The following EIF3F variants were observed in gnomAD, a reference collection of about 807,000 sequenced individuals.
EIF3F encodes the protein eukaryotic translation initiation factor 3 subunit F.
In EIF3F, 8 loss-of-function variants were observed where a neutral mutation model predicts 36.0. The observed-to-expected ratio is 0.22, with a 90% CI of 0.13 to 0.40. EIF3F has a LOEUF of 0.40. Ranked by LOEUF, EIF3F falls within the 10% of genes least tolerant of loss-of-function variation. The pLI is 1.00. For synonymous variants in EIF3F, 184 were observed against 188.5 expected (o/e 0.98, Z 0.19); for missense variants, 430 against 467.6 (o/e 0.92, Z 0.74).
At chr11:7,991,706 A>C (rs1345973910) in intron 1 of EIF3F, 75 bp from the exon 2 acceptor site, 3 of 1,407,294 alleles carry the variant, frequency 2.1e-6, no homozygotes, top group Admixed American at 3.3e-5. Flanking sequence ...GATCATCAAA[A>C]GCATTTCAAA....
rs1333687771 is a variant in EIF3F, at chr11:7,997,727, A to G, written c.*1705A>G. The G allele has an allele frequency of 1.3e-5, 2 of 152,236 alleles. No individual in the cohort carries two copies. Among genetic ancestry groups the G allele is most frequent in the Non-Finnish European group, 2.9e-5 (2 of 68,044 alleles). 9.4% of individuals were successfully genotyped at this position (152,236 alleles called of 1,614,324 possible). Reference sequence around the variant, plus strand: ...GAAGACATGTACATTATGATACTCCAGAAGTTCAAAAACAAGTGAAACTTG... The same window carrying G: ...GAAGACATGTACATTATGATACTCCGGAAGTTCAAAAACAAGTGAAACTTG... On this transcript the variant is annotated 3_prime_UTR_variant, in exon 8 of 8. Transcript: ENST00000651655.
intron 1 of EIF3F, 175 bp downstream of exon 1, chr11:7,987,891 C>A: frequency 2.1e-6 from 2 of 955,046 alleles, no homozygotes; most frequent in Non-Finnish European, 2.8e-6. Context: ...TCTTCTCAAG[C>A]ACTTGCATCT....
Position 7,996,228 on chromosome 11 carries a change from A to T in EIF3F, c.*206A>T, listed in dbSNP as rs1942158241. ...AAGGGAGGAAAATGTTTTAGATCAC[A>T]CAGAAACTAGGAAGTGAATATTGTA... On this transcript the variant is annotated 3_prime_UTR_variant, in exon 8 of 8. Transcript: ENST00000651655. 1.9e-6 allele frequency: 1 copy of T among 529,774 alleles called. No homozygotes were observed. Among genetic ancestry groups the T allele is most frequent in the Non-Finnish European group, 3.4e-6 (1 of 296,874 alleles). The allele number at this position is 529,774 out of a possible 1,614,324, so 32.8% of individuals were successfully genotyped here. A position where few individuals can be genotyped will look rare whatever the true frequency, so the allele number is the denominator to read the frequency against.
intron 5 of EIF3F, 190 bp from the exon 6 acceptor site, chr11:7,994,792 G>A: frequency 1.2e-6 from 1 of 832,452 alleles, no homozygotes; most frequent in Non-Finnish European, 1.9e-6. Flanking sequence ...AAAAGGAGTT[G>A]AGCTCTATTA....
intron 1 of EIF3F, among the ~76,000 whole-genome samples, chr11:7,990,169 AGAAAG>A (rs1441579093): frequency 1.3e-5 from 2 of 152,340 alleles, no homozygotes; most frequent in Non-Finnish European, 2.9e-5. Context: ...GTGTGAAAGA[AGAAAG>A]GGAAGGTAGG....
In EIF3F at chr11:8,000,838, A is replaced by G. The variant is rs565015176; in HGVS notation, c.*4816A>G. 9.2e-4 allele frequency: 140 copies of G among 152,344 alleles called. No homozygotes were observed. Among genetic ancestry groups the G allele is most frequent in the African/African-American group, 3.1e-3 (128 of 41,578 alleles). The allele number at this position is 152,344 out of a possible 1,614,324, so 9.4% of individuals were successfully genotyped here. A position where few individuals can be genotyped will look rare whatever the true frequency, so the allele number is the denominator to read the frequency against. On this transcript the variant is annotated 3_prime_UTR_variant, in exon 8 of 8. Transcript: ENST00000651655. ...AAAAAAAAACCATAAATATGAGGGA[A>G]AAAACACAGCAATGTGTTTTTAATG...
intron 1 of EIF3F, among the ~76,000 whole-genome samples, chr11:7,989,415 G>A (rs968311878): frequency 2.0e-5 from 3 of 152,116 alleles, no homozygotes; most frequent in Non-Finnish European, 4.4e-5. Context: ...CTGGAATCAT[G>A]GTACAGTGCT....
chr11:7,994,891 G>A (rs763502225), intron 5 of EIF3F, 91 bp from the exon 6 acceptor site: 55 of 1,555,418 alleles, frequency 3.5e-5, no homozygotes, highest in Middle Eastern at 4.7e-4. Context: ...TTAGTAGGAC[G>A]TTAAGACCAT....
chr11:7,991,246 A>G (rs1399848242), intron 1 of EIF3F, among the ~76,000 whole-genome samples: 1 of 152,152 alleles, frequency 6.6e-6, no homozygotes, highest in Non-Finnish European at 1.5e-5. Flanking sequence ...CAGAACTAGA[A>G]CAAAAGTTTG....
At chr11:7,991,336 G>A (rs75638791) in intron 1 of EIF3F, among the ~76,000 whole-genome samples, 8,402 of 152,296 alleles carry the variant, frequency 0.055, 322 homozygotes, top group South Asian at 0.14. Context: ...GGACCAGATG[G>A]CTAAAGGGAG....
At chr11:7,994,929 T>C in intron 5 of EIF3F, 53 bp from the exon 6 acceptor site, 1 of 1,599,606 alleles carries the variant, frequency 6.3e-7, no homozygotes, top group Non-Finnish European at 8.5e-7. Context: ...GACTGAATTC[T>C]CTCTCTTACT....
Position 7,995,724 on chromosome 11 carries a change from A to G in EIF3F, c.997-221A>G, listed in dbSNP as rs114567484. On this transcript the variant is annotated intron_variant, in intron 7 of 7. Transcript: ENST00000651655. The stretch of plus-strand genomic sequence containing the variant: ...TATATTCCATCCATGGGTTTCAGCT[A>G]AGGCACCCCTAGTCTATAAGTGTAT... 768 of 612,044 alleles carry G rather than the reference A, an allele frequency of 1.3e-3. 13 individuals are homozygous for G. The African/African-American group carries it at 0.013, about 10-fold the overall frequency. 37.9% of individuals were successfully genotyped at this position (612,044 alleles called of 1,614,324 possible). A position where few individuals can be genotyped will look rare whatever the true frequency, so the allele number is the denominator to read the frequency against.
At chr11:7,995,904 C>T (rs1375984101) in intron 7 of EIF3F, 41 bp from the exon 8 acceptor site, 9 of 1,589,292 alleles carry the variant, frequency 5.7e-6, no homozygotes, top group Non-Finnish European at 7.8e-6. Flanking sequence ...TGCTCCCTTT[C>T]CACCCAACCC....
intron 1 of EIF3F, among the ~76,000 whole-genome samples, chr11:7,990,423 C>T (rs988482666): frequency 2.0e-5 from 3 of 152,048 alleles, no homozygotes; most frequent in African/African-American, 7.2e-5. Flanking sequence ...AAAAAATTGG[C>T]GTGTAAACTT....
rs1244465818 is a variant in EIF3F, at chr11:7,998,902, GT to G, written c.*2882del. ...CCTGAACTCATGACCATAGTGTGGT[GT>G]TATTACTTAGCGTTATTCTAGACTT... On this transcript the variant is annotated 3_prime_UTR_variant, in exon 8 of 8. Transcript: ENST00000651655. 6.6e-6 allele frequency: 1 copy of G among 152,084 alleles called. No homozygotes were observed. Among genetic ancestry groups the G allele is most frequent in the East Asian group, 1.9e-4 (1 of 5,188 alleles). The allele number at this position is 152,084 out of a possible 1,614,324, so 9.4% of individuals were successfully genotyped here.
rs1379334892 is a variant in EIF3F at position 8,000,625 on chromosome 11, T to C, written c.*4603T>C. 1 of 151,976 alleles carries C rather than the reference T, an allele frequency of 6.6e-6. No homozygotes were observed. The highest frequency in any genetic ancestry group is 1.5e-5 in the Non-Finnish European group (1 of 68,036). The allele number at this position is 151,976 out of a possible 1,614,324, so 9.4% of individuals were successfully genotyped here. A position where few individuals can be genotyped will look rare whatever the true frequency, so the allele number is the denominator to read the frequency against. On this transcript the variant is annotated 3_prime_UTR_variant, in exon 8 of 8. Transcript: ENST00000651655. ...GTGTACATATATCAAAACATCACATTGTACAAAATACATACAGTTTTTGTC... is the reference window on the plus strand; with the variant it reads ...GTGTACATATATCAAAACATCACATCGTACAAAATACATACAGTTTTTGTC...
intron 1 of EIF3F, 53 bp from the exon 2 acceptor site, chr11:7,991,728 G>A (rs1942097592): frequency 3.2e-6 from 5 of 1,567,398 alleles, no homozygotes; most frequent in East Asian, 2.2e-5. Flanking sequence ...GTAGTCAGAG[G>A]TTGTTGGGAG....
intron 1 of EIF3F, among the ~76,000 whole-genome samples, chr11:7,988,659 C>T (rs1942056069): frequency 6.6e-6 from 1 of 152,178 alleles, no homozygotes; most frequent in Admixed American, 6.5e-5. Context: ...CTCTTTCATA[C>T]TCTTGAACAT....
At chr11:7,989,189 G>C (rs551149476) in intron 1 of EIF3F, among the ~76,000 whole-genome samples, 2 of 152,176 alleles carry the variant, frequency 1.3e-5, no homozygotes, top group Non-Finnish European at 2.9e-5. Flanking sequence ...ACTGTGCCCT[G>C]CTCTGAGCTT....
Sources: allele counts gnomAD v4.1 joint callset (sites outside exome capture counted in the v4.1 genomes callset), GRCh38; gene constraint gnomAD v4.1.1; transcripts MANE v1.5; gene names NCBI Gene and HGNC (gene_info 2026-07-23, HGNC 2026-07-21).